The following ATRNL1 variants were observed in gnomAD, a reference collection of about 807,000 sequenced individuals.
ATRNL1 encodes attractin-like protein 1.
Under a neutral mutation model 182.7 loss-of-function variants are expected in ATRNL1, and 95 were observed. The ratio of observed to expected loss-of-function variants is 0.52; its 90% CI spans 0.44 to 0.62. The LOEUF (loss-of-function observed/expected upper bound fraction) is 0.62. Ranked by LOEUF, ATRNL1 falls within the 20% of genes least tolerant of loss-of-function variation. The probability of loss-of-function intolerance (pLI) is 0.00; values close to 1 mark genes in which losing one functional copy is unlikely to be tolerated. For missense variants in ATRNL1, 1,471 were observed against 1,679.5 expected (o/e 0.88, Z 2.17); for synonymous variants, 576 against 568.3 (o/e 1.01, Z -0.19).
chr10:115,300,331 A>C (rs1183501186), intron 16 of ATRNL1, 84 bp downstream of exon 16: 23 of 1,029,554 alleles, frequency 2.2e-5, no homozygotes, highest in African/African-American at 3.3e-5. Flanking sequence ...GTGTAGTCTT[A>C]TTCTATGATA....
intron 28 of ATRNL1, among the ~76,000 whole-genome samples, chr10:115,935,956 C>T (rs141275204): frequency 5.3e-4 from 80 of 152,322 alleles, no homozygotes; most frequent in African/African-American, 1.7e-3. Flanking sequence ...CCAGGCATCA[C>T]ATAAATTCTG....
chr10:115,513,959 G>A (rs1850513967), intron 24 of ATRNL1, among the ~76,000 whole-genome samples: 1 of 151,816 alleles, frequency 6.6e-6, no homozygotes. Flanking sequence ...TATTTTAACA[G>A]ATTTGTTACT....
chr10:115,525,950 C>T (rs1222825352), intron 25 of ATRNL1, among the ~76,000 whole-genome samples: 4 of 152,134 alleles, frequency 2.6e-5, no homozygotes, highest in South Asian at 2.1e-4. Context: ...CATTTTCTTT[C>T]GTATCAGGCT....
chr10:115,570,211 C>T (rs1402193730), intron 26 of ATRNL1, among the ~76,000 whole-genome samples: 1 of 152,106 alleles, frequency 6.6e-6, no homozygotes, highest in Non-Finnish European at 1.5e-5. Context: ...CTCCACCAGC[C>T]GTGGCTTCCC....
intron 24 of ATRNL1, among the ~76,000 whole-genome samples, chr10:115,494,487 T>C (rs1052229069): frequency 3.3e-5 from 5 of 152,230 alleles, no homozygotes; most frequent in Non-Finnish European, 7.3e-5. Flanking sequence ...TTGTCCTTGA[T>C]GGCTCTTGTT....
At chr10:115,398,013 T>G (rs1844371343) in intron 20 of ATRNL1, among the ~76,000 whole-genome samples, 1 of 151,880 alleles carries the variant, frequency 6.6e-6, no homozygotes, top group South Asian at 2.1e-4. Flanking sequence ...GTAGTTGATA[T>G]TTGGCGGGGA....
intron 17 of ATRNL1, among the ~76,000 whole-genome samples, chr10:115,312,017 C>T (rs1554928019): frequency 1.3e-5 from 2 of 151,924 alleles, no homozygotes; most frequent in African/African-American, 4.8e-5. Flanking sequence ...AGATGTGTCT[C>T]TTGAAGATAG....
intron 21 of ATRNL1, among the ~76,000 whole-genome samples, chr10:115,426,626 A>T (rs970002898): frequency 6.6e-6 from 1 of 152,176 alleles, no homozygotes; most frequent in East Asian, 1.9e-4. Context: ...TTTATAATAG[A>T]TATTTTGCAG....
At chr10:115,398,829 T>G (rs1554956226) in intron 20 of ATRNL1, among the ~76,000 whole-genome samples, 1 of 152,140 alleles carries the variant, frequency 6.6e-6, no homozygotes, top group African/African-American at 2.4e-5. Flanking sequence ...CAGTATGATG[T>G]TGGCTGTGGG....
intron 25 of ATRNL1, among the ~76,000 whole-genome samples, chr10:115,538,889 G>T (rs1420081518): frequency 1.3e-5 from 2 of 152,088 alleles, no homozygotes; most frequent in Admixed American, 1.3e-4. Flanking sequence ...ATTACTATAT[G>T]TTTACTGTAC....
intron 26 of ATRNL1, among the ~76,000 whole-genome samples, chr10:115,553,097 T>C (rs183061716): frequency 6.6e-6 from 1 of 151,432 alleles, no homozygotes; most frequent in Admixed American, 6.6e-5. Context: ...TTAATAGGTA[T>C]CATAAGGCAG....
intron 26 of ATRNL1, among the ~76,000 whole-genome samples, chr10:115,646,996 C>A (rs1293914237): frequency 5.5e-5 from 8 of 145,184 alleles, no homozygotes; most frequent in Non-Finnish European, 1.1e-4. Flanking sequence ...GTTCCCCACC[C>A]TGTGTCCAAG....
intron 5 of ATRNL1, among the ~76,000 whole-genome samples, chr10:115,151,291 C>T (rs1389181751): frequency 3.3e-5 from 5 of 152,156 alleles, no homozygotes; most frequent in Non-Finnish European, 5.9e-5. Context: ...CTTGAGGGAT[C>T]GCCACACTGT....
At chr10:115,663,360 T>C (rs1860809107) in intron 26 of ATRNL1, among the ~76,000 whole-genome samples, 1 of 152,116 alleles carries the variant, frequency 6.6e-6, no homozygotes, top group Non-Finnish European at 1.5e-5. Context: ...ATTTTTACTA[T>C]ACTTTAAATG....
chr10:115,278,090 G>C (rs1294365678), intron 13 of ATRNL1, among the ~76,000 whole-genome samples: 1 of 152,116 alleles, frequency 6.6e-6, no homozygotes, highest in Non-Finnish European at 1.5e-5. Context: ...CTCATTCCCA[G>C]GGGTCTGCAT....
At chr10:115,512,009 A>ACAGAATTACAAAGGTG (rs1850410259) in intron 24 of ATRNL1, among the ~76,000 whole-genome samples, 1 of 151,938 alleles carries the variant, frequency 6.6e-6, no homozygotes, top group Non-Finnish European at 1.5e-5. Context: ...ATTACCGAAG[A>ACAGAATTACAAAGGTG]CAGAATTACA....
intron 26 of ATRNL1, among the ~76,000 whole-genome samples, chr10:115,588,558 A>G (rs981815992): frequency 6.6e-6 from 1 of 152,188 alleles, no homozygotes; most frequent in African/African-American, 2.4e-5. Context: ...CTTTGGGAGG[A>G]ACAACAAAAA....
intron 25 of ATRNL1, among the ~76,000 whole-genome samples, chr10:115,523,615 A>G (rs112947684): frequency 2.0e-5 from 3 of 152,196 alleles, no homozygotes; most frequent in East Asian, 1.9e-4. Context: ...CATGGACACA[A>G]TGTAGCAAAG....
At chr10:115,843,351 T>A (rs1400179230) in intron 27 of ATRNL1, among the ~76,000 whole-genome samples, 1 of 152,012 alleles carries the variant, frequency 6.6e-6, no homozygotes, top group Non-Finnish European at 1.5e-5. Flanking sequence ...AGGAGCTTGA[T>A]CCAGTGGGAA....
Sources: allele counts gnomAD v4.1 joint callset (sites outside exome capture counted in the v4.1 genomes callset), GRCh38; gene constraint gnomAD v4.1.1; transcripts MANE v1.5; gene names NCBI Gene and HGNC (gene_info 2026-07-23, HGNC 2026-07-21).